Variants in MAGI1 observed in about 807,000 individuals in gnomAD.
MAGI1 encodes membrane associated guanylate kinase, WW and PDZ domain containing 1.
In MAGI1, 58 loss-of-function variants were observed where a neutral mutation model predicts 139.9. The ratio of observed to expected loss-of-function variants is 0.41; its 90% CI spans 0.34 to 0.52. The LOEUF is 0.52. Ranked by LOEUF, MAGI1 falls within the 20% of genes least tolerant of loss-of-function variation. The pLI is 0.12. For synonymous variants in MAGI1, 812 were observed against 737.9 expected (o/e 1.10, Z -1.63); for missense variants, 1,874 against 1,901.6 (o/e 0.99, Z 0.27).
intron 2 of MAGI1, among the ~76,000 whole-genome samples, chr3:65,582,968 A>G (rs1009817427): frequency 3.3e-5 from 5 of 152,242 alleles, no homozygotes; most frequent in Non-Finnish European, 7.3e-5. Context: ...TAAGTTACGT[A>G]ATGTTAAAAA....
chr3:66,024,772 C>T (rs567629597), intron 1 of MAGI1, among the ~76,000 whole-genome samples: 15 of 152,304 alleles, frequency 9.8e-5, no homozygotes, highest in African/African-American at 3.6e-4. Context: ...CATCATTGCA[C>T]TCCAGCCTGG....
intron 5 of MAGI1, among the ~76,000 whole-genome samples, chr3:65,460,954 G>A (rs1346342471): frequency 6.6e-6 from 1 of 152,084 alleles, no homozygotes; most frequent in African/African-American, 2.4e-5. Context: ...ATCATTGATG[G>A]GCATTTGGGT....
chr3:65,569,802 G>A (rs1239632116), intron 2 of MAGI1, among the ~76,000 whole-genome samples: 5 of 151,616 alleles, frequency 3.3e-5, no homozygotes, highest in Admixed American at 3.3e-4. Context: ...TTGAGCCTGG[G>A]ACATCAAGGC....
intron 1 of MAGI1, among the ~76,000 whole-genome samples, chr3:65,830,167 T>C (rs1326713892): frequency 6.6e-6 from 1 of 152,156 alleles, no homozygotes; most frequent in African/African-American, 2.4e-5. Context: ...ACCATTAAGG[T>C]CTTGGCACAT....
At chr3:65,766,248 A>G (rs77617242) in intron 1 of MAGI1, among the ~76,000 whole-genome samples, 8,905 of 152,278 alleles carry the variant, frequency 0.058, 295 homozygotes, top group Middle Eastern at 0.071. Flanking sequence ...GGAGTTTAAT[A>G]AGCTAAGGCT....
At chr3:65,971,329 T>C (rs904860081) in intron 1 of MAGI1, among the ~76,000 whole-genome samples, 4 of 152,224 alleles carry the variant, frequency 2.6e-5, no homozygotes, top group African/African-American at 9.6e-5. Context: ...TAAGAGTCTA[T>C]GGATTATGGT....
At chr3:65,533,064 C>T (rs1310345462) in intron 2 of MAGI1, among the ~76,000 whole-genome samples, 2 of 152,144 alleles carry the variant, frequency 1.3e-5, no homozygotes, top group South Asian at 2.1e-4. Flanking sequence ...TGGGGGGCAT[C>T]CACTGTAGCC....
chr3:65,709,361 G>C (rs1576829577), intron 1 of MAGI1, among the ~76,000 whole-genome samples: 1 of 152,246 alleles, frequency 6.6e-6, no homozygotes, highest in African/African-American at 2.4e-5. Context: ...GCCTTCAAAA[G>C]TTTTAAGAAC....
intron 1 of MAGI1, among the ~76,000 whole-genome samples, chr3:66,029,453 A>G (rs2068478968): frequency 6.6e-6 from 1 of 152,166 alleles, no homozygotes; most frequent in African/African-American, 2.4e-5. Flanking sequence ...TGGGGTTGAT[A>G]CCTTAGCCAT....
intron 2 of MAGI1, among the ~76,000 whole-genome samples, chr3:65,610,618 G>C (rs968893754): frequency 2.0e-5 from 3 of 150,904 alleles, no homozygotes; most frequent in African/African-American, 7.3e-5. Context: ...CAAGTCAATT[G>C]ATGAAATCTA....
chr3:65,496,112 G>A (rs896304500), intron 2 of MAGI1, among the ~76,000 whole-genome samples: 5 of 152,090 alleles, frequency 3.3e-5, no homozygotes, highest in Non-Finnish European at 5.9e-5. Context: ...AGGAATCACA[G>A]CTCACTATCT....
Position 65,361,087 on chromosome 3 carries a change from GT to G in MAGI1, c.3634+111del, listed in dbSNP as rs1315554986. 4 of 1,600,660 alleles carry G rather than the reference GT, an allele frequency of 2.5e-6. No homozygotes were observed. In the African/African-American group the frequency reaches 5.4e-5, roughly 21 times the overall value. ...AATAATCACATGGTGCGAGAGGCTG[GT>G]AAGACACTGGTGAATAGGGGAAACA... On this transcript the variant is annotated intron_variant, in intron 22 of 22. Transcript: ENST00000402939.
At chr3:65,900,203 C>T (rs1200641131) in intron 1 of MAGI1, among the ~76,000 whole-genome samples, 1 of 152,128 alleles carries the variant, frequency 6.6e-6, no homozygotes, top group Non-Finnish European at 1.5e-5. Context: ...CACGCAACAT[C>T]GTGTCTTTCC....
rs879749830 is a variant in MAGI1, at chr3:65,996,545, G to T, written c.313+41451C>A. 2.0e-3 allele frequency among the ~76,000 whole-genome samples: 301 copies of T among 151,210 alleles called. 2 individuals carry two copies. The highest frequency in any genetic ancestry group is 3.3e-3 in the Non-Finnish European group (221 of 67,688). ...TAACTATAAATGAAAAACTAAGGGGGGGGGGGGGGAAGCGAGCCCCCACTT... is the reference window on the plus strand; with the variant it reads ...TAACTATAAATGAAAAACTAAGGGGTGGGGGGGGGAAGCGAGCCCCCACTT... On this transcript the variant is annotated intron_variant, in intron 1 of 22. Coordinates refer to ENST00000402939, the MANE Select transcript of MAGI1 (RefSeq NM_001033057.2).
chr3:65,915,408 A>G (rs2061852273), intron 1 of MAGI1, among the ~76,000 whole-genome samples: 1 of 152,148 alleles, frequency 6.6e-6, no homozygotes, highest in Admixed American at 6.5e-5. Context: ...TAAAATTCAC[A>G]CCCGTTCAAG....
intron 1 of MAGI1, among the ~76,000 whole-genome samples, chr3:65,950,683 GT>G (rs2063793685): frequency 6.6e-6 from 1 of 152,056 alleles, no homozygotes; most frequent in South Asian, 2.1e-4. Flanking sequence ...TCTTCAACTG[GT>G]TGGAACGGAA....
At chr3:65,450,255 C>A (rs193091187) in intron 6 of MAGI1, among the ~76,000 whole-genome samples, 60 of 152,046 alleles carry the variant, frequency 3.9e-4, no homozygotes, top group Non-Finnish European at 7.4e-5. Context: ...AGGTTGTCAG[C>A]GATAACATCA....
In MAGI1 at chr3:65,430,842, C is replaced by G. The variant is rs1416417118; in HGVS notation, c.1403G>C (p.Gly468Ala). Reference protein sequence around the residue: ...FFTRNPSELKGKFIHTKLRKS... With the variant: ...FFTRNPSELKAKFIHTKLRKS... ...CCGCAGCTTTGTGTGAATGAACTTG[C>G]CTTTCAACTCAGAAGGGTTTCGTGT... The change falls in exon 11 of 23, where the codon GGC becomes GCC. Residue 468 changes from glycine (G) to alanine (A), a missense_variant. This residue lies in a region of MAGI1 where 648 missense variants were observed against 598.1 expected (regional missense o/e 1.08). Transcript: ENST00000402939. 1 of 1,613,434 alleles carries G rather than the reference C, an allele frequency of 6.2e-7. No individual in the cohort carries two copies. The highest frequency in any genetic ancestry group is 1.3e-5 in the African/African-American group (1 of 74,932).
At chr3:65,570,138 G>A (rs1054506884) in intron 2 of MAGI1, among the ~76,000 whole-genome samples, 1 of 148,058 alleles carries the variant, frequency 6.8e-6, no homozygotes, top group Non-Finnish European at 1.5e-5. Context: ...AGTCTCACTC[G>A]GTTGCCAAGG....
Sources: gnomAD v4.1 joint callset for allele counts (sites outside exome capture counted in the v4.1 genomes callset) on GRCh38, gnomAD v4.1.1 for gene constraint, gnomAD v4.1.1 regional missense constraint, MANE v1.5 for transcripts, NCBI Gene and HGNC (gene_info 2026-07-23, HGNC 2026-07-21) for gene names.